The following GPC6 variants were observed in gnomAD, a reference collection of about 807,000 sequenced individuals.
GPC6 encodes glypican-6.
GPC6 carries 14 observed loss-of-function variants against 55.2 expected under a neutral mutation model. The observed-to-expected ratio is 0.25, with a 90% CI of 0.17 to 0.40. The LOEUF is 0.40. Among genes scored for constraint, GPC6 ranks in the 10% least tolerant of loss-of-function variants. The probability of loss-of-function intolerance (pLI) is 1.00; values close to 1 mark genes in which losing one functional copy is unlikely to be tolerated. For synonymous variants in GPC6, 278 were observed against 259.6 expected, an observed-to-expected ratio of 1.07 and a Z score of -0.68; for missense variants, 641 against 708.5, an observed-to-expected ratio of 0.90 and a Z score of 1.08.
intron 3 of GPC6, among the ~76,000 whole-genome samples, chr13:93,924,484 A>G (rs1877746978): frequency 6.6e-6 from 1 of 152,198 alleles, no homozygotes; most frequent in Non-Finnish European, 1.5e-5. Context: ...TTATGGATTT[A>G]GGGGGAAAAA....
chr13:93,286,679 G>A (rs1434279004), intron 1 of GPC6, among the ~76,000 whole-genome samples: 1 of 152,130 alleles, frequency 6.6e-6, no homozygotes, highest in Non-Finnish European at 1.5e-5. Context: ...GTAGGGAAGG[G>A]GTGGCAGAGG....
At chr13:93,368,014 G>C (rs1461456349) in intron 1 of GPC6, among the ~76,000 whole-genome samples, 1 of 152,010 alleles carries the variant, frequency 6.6e-6, no homozygotes, top group Non-Finnish European at 1.5e-5. Flanking sequence ...TATCACTTGT[G>C]AAAAGATGGT....
At chr13:93,888,405 T>G (rs1240154394) in intron 3 of GPC6, among the ~76,000 whole-genome samples, 5 of 152,190 alleles carry the variant, frequency 3.3e-5, no homozygotes, top group Non-Finnish European at 5.9e-5. Context: ...TTGGCATATC[T>G]CTTAGGTGAA....
chr13:93,974,767 T>G (rs994917943), intron 3 of GPC6, among the ~76,000 whole-genome samples: 1 of 152,182 alleles, frequency 6.6e-6, no homozygotes, highest in African/African-American at 2.4e-5. Flanking sequence ...TATTTTTTTT[T>G]GTCACATCCT....
At chr13:93,861,715 A>G (rs1047979516) in intron 3 of GPC6, among the ~76,000 whole-genome samples, 4 of 151,678 alleles carry the variant, frequency 2.6e-5, no homozygotes, top group Admixed American at 2.0e-4. Context: ...ATATGAGCAC[A>G]AAGTAGAGAA....
chr13:93,633,974 A>G (rs1879590995), intron 2 of GPC6, among the ~76,000 whole-genome samples: 1 of 152,158 alleles, frequency 6.6e-6, no homozygotes. Context: ...GATATCAAAG[A>G]GTAGTTTTTA....
intron 3 of GPC6, among the ~76,000 whole-genome samples, chr13:94,004,274 G>C (rs1881925428): frequency 1.3e-5 from 2 of 151,848 alleles, no homozygotes; most frequent in African/African-American, 2.4e-5. Flanking sequence ...TCTTTTATTT[G>C]CATCTTTGAC....
chr13:94,124,747 A>G (rs901337147), intron 4 of GPC6, among the ~76,000 whole-genome samples: 1 of 152,110 alleles, frequency 6.6e-6, no homozygotes, highest in Non-Finnish European at 1.5e-5. Flanking sequence ...ATTTGTAGAG[A>G]CAGAGATTGA....
At chr13:94,008,868 C>T (rs1882127128) in intron 3 of GPC6, among the ~76,000 whole-genome samples, 1 of 152,030 alleles carries the variant, frequency 6.6e-6, no homozygotes, top group Non-Finnish European at 1.5e-5. Context: ...CTTGTATTTC[C>T]ATTATAATTC....
At chr13:93,675,446 G>A (rs2139633774) in intron 2 of GPC6, among the ~76,000 whole-genome samples, 1 of 151,946 alleles carries the variant, frequency 6.6e-6, no homozygotes, top group South Asian at 2.1e-4. Flanking sequence ...ACACTGTTCT[G>A]TTCACCAGTA....
chr13:93,956,717 C>A (rs1465400217), intron 3 of GPC6, among the ~76,000 whole-genome samples: 1 of 152,222 alleles, frequency 6.6e-6, no homozygotes, highest in African/African-American at 2.4e-5. Flanking sequence ...GCAAAAATAT[C>A]TCTGTGTTCA....
At chr13:93,560,345 C>CAA (rs35073008) in intron 2 of GPC6, among the ~76,000 whole-genome samples, 4 of 129,576 alleles carry the variant, frequency 3.1e-5, no homozygotes, top group East Asian at 4.8e-4. Flanking sequence ...GTATCTCTAC[C>CAA]AAAAAAAAAA....
intron 4 of GPC6, among the ~76,000 whole-genome samples, chr13:94,220,562 A>G (rs541634196): frequency 6.6e-6 from 1 of 152,240 alleles, no homozygotes; most frequent in South Asian, 2.1e-4. Context: ...GTAATAAAGT[A>G]CCACAAACAG....
intron 1 of GPC6, among the ~76,000 whole-genome samples, chr13:93,427,836 A>G (rs184796194): frequency 1.3e-5 from 2 of 152,284 alleles, no homozygotes; most frequent in East Asian, 1.9e-4. Flanking sequence ...GGAAATCCAG[A>G]TCATGTTTGC....
At position 94,188,583 on chromosome 13, in the gene GPC6, G is replaced by A. The variant is rs1202678425; in HGVS notation, c.878-97766G>A. On this transcript the variant is annotated intron_variant, in intron 4 of 8. Transcript: ENST00000377047. ...AAGAACCTAGCACTGCATTCTATAA[G>A]GTTTTATCATTCAGATTTGGAAGGA... Among the ~76,000 whole-genome samples the A allele has an allele frequency of 2.0e-5, 3 of 152,156 alleles. No homozygotes were observed. In the East Asian group the frequency reaches 5.8e-4, roughly 29 times the overall value.
intron 1 of GPC6, among the ~76,000 whole-genome samples, chr13:93,350,289 G>T (rs1880587055): frequency 6.6e-6 from 1 of 152,038 alleles, no homozygotes; most frequent in Admixed American, 6.6e-5. Context: ...ACAAAAATTA[G>T]CCAGGTGTGG....
Position 94,214,700 on chromosome 13 carries a change from T to G in GPC6, c.878-71649T>G, listed in dbSNP as rs114149642. On this transcript the variant is annotated intron_variant, in intron 4 of 8. Coordinates refer to ENST00000377047, the MANE Select transcript of GPC6 (RefSeq NM_005708.5). ...TGGAAGAACTGTTTTATAGTAAATT[T>G]ATCAATAGTTGAATATATAAACAAC... Among the ~76,000 whole-genome samples, 1,263 of 152,266 alleles carry G rather than the reference T, an allele frequency of 8.3e-3. 18 individuals carry two copies. Among genetic ancestry groups the G allele is most frequent in the African/African-American group, 0.028 (1,155 of 41,552 alleles).
chr13:93,975,820 T>G (rs1292569151), intron 3 of GPC6, among the ~76,000 whole-genome samples: 2 of 152,100 alleles, frequency 1.3e-5, no homozygotes, highest in African/African-American at 4.8e-5. Context: ...AAAACGTAGG[T>G]GTGATTAGGT....
chr13:94,205,646 G>A (rs1243432415), intron 4 of GPC6, among the ~76,000 whole-genome samples: 3 of 152,182 alleles, frequency 2.0e-5, no homozygotes, highest in Non-Finnish European at 4.4e-5. Flanking sequence ...TCCACCAGGA[G>A]TTTGTGATTG....
Sources: allele counts gnomAD v4.1 joint callset (sites outside exome capture counted in the v4.1 genomes callset), GRCh38; gene constraint gnomAD v4.1.1; transcripts MANE v1.5; gene names NCBI Gene and HGNC (gene_info 2026-07-23, HGNC 2026-07-21).